Variants in TLN2 observed in about 807,000 individuals in gnomAD.
The protein encoded by TLN2 is talin 2, also known as talin-2.
A neutral mutation model predicts 294.7 loss-of-function variants in TLN2; 118 were observed. That is an observed-to-expected ratio of 0.40 (90% CI 0.34 to 0.47). The LOEUF is 0.47. Ranked by LOEUF, TLN2 falls within the 20% of genes least tolerant of loss-of-function variation. The pLI, the probability that TLN2 is intolerant of heterozygous loss-of-function variation, is 0.84. For missense variants in TLN2, 3,083 were observed against 3,282.2 expected, an observed-to-expected ratio of 0.94 and a Z score of 1.48; for synonymous variants, 1,431 against 1,304.5, an observed-to-expected ratio of 1.10 and a Z score of -2.09.
At chr15:62,399,209 C>T (rs568123380) in intron 1 of TLN2, among the ~76,000 whole-genome samples, 133 of 137,818 alleles carry the variant, frequency 9.7e-4, no homozygotes, top group African/African-American at 2.5e-3. Context: ...TGCCTGGATG[C>T]GCCACTGCAC....
At chr15:62,512,708 A>G (rs1022728143) in intron 1 of TLN2, among the ~76,000 whole-genome samples, 2 of 152,200 alleles carry the variant, frequency 1.3e-5, no homozygotes, top group African/African-American at 2.4e-5. Context: ...GAAGTAAGTC[A>G]GTGAAATGAG....
chr15:62,494,686 A>G (rs1336045181), intron 1 of TLN2, among the ~76,000 whole-genome samples: 2 of 152,118 alleles, frequency 1.3e-5, no homozygotes, highest in Non-Finnish European at 2.9e-5. Flanking sequence ...GTCTCTTTCC[A>G]GCTCTATAAG....
intron 1 of TLN2, among the ~76,000 whole-genome samples, chr15:62,580,696 CCA>C (rs2044888696): frequency 6.6e-6 from 1 of 151,994 alleles, no homozygotes. Flanking sequence ...TAGGCATGCA[CCA>C]CTGCACCTGG....
intron 1 of TLN2, among the ~76,000 whole-genome samples, chr15:62,499,831 G>A (rs1027967851): frequency 1.3e-5 from 2 of 151,996 alleles, no homozygotes; most frequent in South Asian, 2.1e-4. Flanking sequence ...TCGAACTCCC[G>A]ACCTCAGGTG....
At chr15:62,654,649 G>T (rs140838239) in intron 7 of TLN2, among the ~76,000 whole-genome samples, 203 of 151,362 alleles carry the variant, frequency 1.3e-3, no homozygotes, top group African/African-American at 4.6e-3. Flanking sequence ...CAACTATGCG[G>T]GAGACTGAGG....
chr15:62,727,643 C>T (rs2060509735), intron 28 of TLN2, among the ~76,000 whole-genome samples: 1 of 152,182 alleles, frequency 6.6e-6, no homozygotes, highest in Non-Finnish European at 1.5e-5. Context: ...ATTTGTGCTG[C>T]AGAACCCTGT....
In TLN2 at chr15:62,740,051, T is replaced by G. The variant is rs574857681; in HGVS notation, c.3885+506T>G. ...GCTTGCAGAGCTGTGTTTTTTGTTT[T>G]TTTTTTTTTTTCTGCGCTCCTTTGA... On this transcript the variant is annotated intron_variant, in intron 31 of 58. Transcript: ENST00000636159. 4.1e-4 allele frequency among the ~76,000 whole-genome samples: 62 copies of G among 151,334 alleles called. 1 individual carries two copies. The East Asian group carries it at 7.6e-3, about 19-fold the overall frequency.
intron 3 of TLN2, among the ~76,000 whole-genome samples, chr15:62,631,625 C>T (rs1221337360): frequency 7.2e-6 from 1 of 139,456 alleles, no homozygotes; most frequent in East Asian, 2.0e-4. Flanking sequence ...CTTCCCTCCT[C>T]CCTCCCTTTC....
At chr15:62,406,378 A>G (rs1329308224) in intron 1 of TLN2, among the ~76,000 whole-genome samples, 1 of 152,196 alleles carries the variant, frequency 6.6e-6, no homozygotes, top group Non-Finnish European at 1.5e-5. Context: ...TTTGCCCAGG[A>G]AAGAATTCAA....
chr15:62,399,343 A>T (rs1192009143), intron 1 of TLN2, among the ~76,000 whole-genome samples: 1 of 148,458 alleles, frequency 6.7e-6, no homozygotes, highest in African/African-American at 2.5e-5. Context: ...GCCCTCATGG[A>T]GAACCTCTGC....
intron 1 of TLN2, among the ~76,000 whole-genome samples, chr15:62,566,089 A>G (rs1416642864): frequency 2.0e-5 from 3 of 152,118 alleles, no homozygotes; most frequent in Non-Finnish European, 4.4e-5. Context: ...CTGATGCAGT[A>G]AGGAAATGAC....
chr15:62,798,521 C>G (rs947847869), intron 48 of TLN2, among the ~76,000 whole-genome samples: 4 of 151,978 alleles, frequency 2.6e-5, no homozygotes, highest in African/African-American at 7.3e-5. Context: ...GATGCCTGTT[C>G]CCAGAGTGCA....
At chr15:62,523,923 G>A (rs2040596931) in intron 1 of TLN2, among the ~76,000 whole-genome samples, 1 of 152,218 alleles carries the variant, frequency 6.6e-6, no homozygotes, top group African/African-American at 2.4e-5. Flanking sequence ...ACCGATCCCA[G>A]CTGGGAAGAG....
intron 2 of TLN2, among the ~76,000 whole-genome samples, chr15:62,592,407 C>A (rs993732603): frequency 1.3e-5 from 2 of 152,168 alleles, no homozygotes; most frequent in South Asian, 4.1e-4. Context: ...CGGTTTGCTG[C>A]CTAATTGGTA....
In TLN2 at chr15:62,819,765, A is replaced by G. The variant is rs2067408618; in HGVS notation, c.6877+144A>G. ...AATACAGTGAGGACTTTCTGCAAGC[A>G]AATGGGTTTAGAGTTAACTTGAAAA... On this transcript the variant is annotated intron_variant, in intron 53 of 58. Coordinates refer to ENST00000636159, the MANE Select transcript of TLN2 (RefSeq NM_015059.3). 4.6e-6 allele frequency: 3 copies of G among 654,172 alleles called. No individual in the cohort carries two copies. In the East Asian group the frequency reaches 8.4e-5, roughly 18 times the overall value. The allele number at this position is 654,172 out of a possible 1,614,324, so 40.5% of individuals were successfully genotyped here.
At chr15:62,805,881 T>C in intron 51 of TLN2, 96 bp downstream of exon 51, 3 of 1,346,676 alleles carry the variant, frequency 2.2e-6, no homozygotes, top group Non-Finnish European at 3.0e-6. Flanking sequence ...CTCAGAACCT[T>C]AAACTTTGTA....
intron 26 of TLN2, among the ~76,000 whole-genome samples, chr15:62,724,676 A>G (rs2060338980): frequency 6.6e-6 from 1 of 152,202 alleles, no homozygotes; most frequent in Admixed American, 6.5e-5. Flanking sequence ...ACTCAGCCAC[A>G]GTGAATAAAT....
In TLN2 at chr15:62,742,022, GGGGTGTGTGTGTGTGTGT is replaced by G. The variant is rs1400991912; in HGVS notation, c.4025+1255_4025+1272del. 2.8e-3 allele frequency among the ~76,000 whole-genome samples: 279 copies of G among 100,098 alleles called. 1 individual carries two copies. The highest frequency in any genetic ancestry group is 2.7e-3 in the Admixed American group (24 of 8,900). The allele number at this position is 100,098 out of a possible 152,430, so 65.7% of individuals were successfully genotyped here. On this transcript the variant is annotated intron_variant, in intron 32 of 58. Transcript: ENST00000636159. ...TCCTTCCTCCCTCTTGGCTTGTAGTGGGGTGTGTGTGTGTGTGTGTGTGTGTGTGTGTGTGTGTGTGTG... is the reference window on the plus strand; with the variant it reads ...TCCTTCCTCCCTCTTGGCTTGTAGTGGTGTGTGTGTGTGTGTGTGTGTGTG...
At chr15:62,813,578 A>G (rs1479639061) in intron 52 of TLN2, among the ~76,000 whole-genome samples, 2 of 152,234 alleles carry the variant, frequency 1.3e-5, no homozygotes, top group Non-Finnish European at 2.9e-5. Context: ...ATGAGAAGCA[A>G]TGAAAAGCAA....
Sources: gnomAD v4.1 joint callset for allele counts (sites outside exome capture counted in the v4.1 genomes callset) on GRCh38, gnomAD v4.1.1 for gene constraint, MANE v1.5 for transcripts, NCBI Gene and HGNC (gene_info 2026-07-23, HGNC 2026-07-21) for gene names.